Variants in SPECC1 observed in about 807,000 individuals in gnomAD.
The protein encoded by SPECC1 is sperm antigen with calponin homology and coiled-coil domains 1, also known as cytospin-B.
In SPECC1, 62 loss-of-function variants were observed where a neutral mutation model predicts 104.1. The observed-to-expected ratio is 0.60, with a 90% CI of 0.49 to 0.74. The LOEUF (loss-of-function observed/expected upper bound fraction) is 0.74. Among genes scored for constraint, SPECC1 ranks in the 30% least tolerant of loss-of-function variants. SPECC1 has a pLI of 0.00. For synonymous variants in SPECC1, 513 were observed against 501.6 expected (o/e 1.02, Z -0.30); for missense variants, 1,306 against 1,310.5 (o/e 1.00, Z 0.05).
At chr17:20,072,844 G>C (rs1214426466) in intron 1 of SPECC1, among the ~76,000 whole-genome samples, 1 of 152,182 alleles carries the variant, frequency 6.6e-6, no homozygotes, top group African/African-American at 2.4e-5. Context: ...CCCGCTGATA[G>C]AGTTCTTGGT....
chr17:20,290,123 T>A (rs1324929166), intron 12 of SPECC1: 1 of 152,156 alleles, frequency 6.6e-6, no homozygotes, highest in Non-Finnish European at 1.5e-5. Flanking sequence ...CAGTGCAGTC[T>A]GTCCTGAGGC....
chr17:20,229,685 AAAAAC>A (rs1188891228), intron 5 of SPECC1, among the ~76,000 whole-genome samples: 1 of 152,190 alleles, frequency 6.6e-6, no homozygotes, highest in African/African-American at 2.4e-5. Context: ...AAAAAAATAA[AAAAAC>A]CAAACCAAAC....
chr17:20,063,128 TC>T (rs2046248855), intron 1 of SPECC1, among the ~76,000 whole-genome samples: 1 of 152,248 alleles, frequency 6.6e-6, no homozygotes, highest in African/African-American at 2.4e-5. Flanking sequence ...TCTTATCTCT[TC>T]TTAAAATGTT....
chr17:20,042,173 A>G (rs182667105), intron 1 of SPECC1, among the ~76,000 whole-genome samples: 3 of 152,358 alleles, frequency 2.0e-5, no homozygotes, highest in African/African-American at 7.2e-5. Context: ...TGTTACTTCT[A>G]GATGGGGGTA....
Position 20,296,941 on chromosome 17 carries a change from A to G in SPECC1, c.2941-20A>G, listed in dbSNP as rs1282756414. 1 of 1,609,472 alleles carries G rather than the reference A, an allele frequency of 6.2e-7. No individual in the cohort carries two copies. The highest frequency in any genetic ancestry group is 2.2e-5 in the East Asian group (1 of 44,850). On this transcript the variant is annotated intron_variant, in intron 12 of 14. Coordinates refer to ENST00000395527, the MANE Select transcript of SPECC1 (RefSeq NM_001243439.2). ...CAGTTTGCAATAGTTCTTGTTTATT[A>G]CTACTTTTCTCTCCTGCAGAACATT...
chr17:20,258,951 AC>A (rs1368967889), intron 11 of SPECC1, among the ~76,000 whole-genome samples: 4 of 152,230 alleles, frequency 2.6e-5, no homozygotes, highest in Admixed American at 2.0e-4. Flanking sequence ...AGTTCAACTT[AC>A]ATTTTGGTAT....
chr17:20,313,836 CT>C, intron 14 of SPECC1, 139 bp from the exon 15 acceptor site: 1 of 703,272 alleles, frequency 1.4e-6, no homozygotes, highest in Non-Finnish European at 2.5e-6. Context: ...TCAGCACCAC[CT>C]GTGCTGGCCT....
intron 3 of SPECC1, among the ~76,000 whole-genome samples, chr17:20,161,061 A>AG (rs2033097830): frequency 6.6e-6 from 1 of 152,172 alleles, no homozygotes; most frequent in African/African-American, 2.4e-5. Context: ...AAATACAAAA[A>AG]TTAGTCGAGT....
intron 1 of SPECC1, among the ~76,000 whole-genome samples, chr17:20,079,721 G>GA (rs2046892877): frequency 6.6e-6 from 1 of 152,142 alleles, no homozygotes; most frequent in South Asian, 2.1e-4. Context: ...GAGCAAAAGA[G>GA]AACGTGCCAG....
At chr17:20,067,644 T>C (rs1446307940) in intron 1 of SPECC1, among the ~76,000 whole-genome samples, 1 of 152,072 alleles carries the variant, frequency 6.6e-6, no homozygotes, top group Non-Finnish European at 1.5e-5. Context: ...TTTATATAAA[T>C]GTTTACATAT....
intron 1 of SPECC1, among the ~76,000 whole-genome samples, chr17:20,048,954 A>G (rs893178489): frequency 6.6e-6 from 1 of 152,172 alleles, no homozygotes; most frequent in Non-Finnish European, 1.5e-5. Context: ...GAAAAATAAT[A>G]TATTACAGTA....
chr17:20,170,301 A>G (rs921866606), intron 3 of SPECC1, among the ~76,000 whole-genome samples: 10 of 152,248 alleles, frequency 6.6e-5, no homozygotes, highest in Non-Finnish European at 1.3e-4. Flanking sequence ...TATGGTTTTA[A>G]TGAATTGATG....
chr17:20,271,498 AC>A, intron 12 of SPECC1, among the ~76,000 whole-genome samples: 1 of 152,206 alleles, frequency 6.6e-6, no homozygotes, highest in South Asian at 2.1e-4. Flanking sequence ...TACTTGCCTT[AC>A]ACTTAAAATC....
intron 3 of SPECC1, among the ~76,000 whole-genome samples, chr17:20,169,948 A>C (rs1180484340): frequency 6.6e-6 from 1 of 152,262 alleles, no homozygotes; most frequent in African/African-American, 2.4e-5. Context: ...AATCAGATCA[A>C]ACCAGCCTAT....
Position 20,009,730 on chromosome 17 carries a change from A to AG in SPECC1, c.-22+309dup, listed in dbSNP as rs2043867893. ...CCCCTCCGGGCCCGAGGGTTGTCGC[A>AG]GGGACCCGGGACTGAGAGCCAGGTG... On this transcript the variant is annotated intron_variant, in intron 1 of 14. Transcript: ENST00000395527. The surrounding 1 kb of genome is among the most constrained non-coding windows in gnomAD (Gnocchi z 5.2). 1 of 152,118 alleles carries AG rather than the reference A, an allele frequency of 6.6e-6. No homozygotes were observed. Among genetic ancestry groups the AG allele is most frequent in the African/African-American group, 2.4e-5 (1 of 41,400 alleles). The allele number at this position is 152,118 out of a possible 1,614,324, so 9.4% of individuals were successfully genotyped here.
At chr17:20,235,502 AAAC>A (rs1157828531) in intron 7 of SPECC1, among the ~76,000 whole-genome samples, 1 of 152,172 alleles carries the variant, frequency 6.6e-6, no homozygotes, top group Non-Finnish European at 1.5e-5. Context: ...GACCTGGCAA[AAAC>A]AGAAAAAACA....
intron 5 of SPECC1, among the ~76,000 whole-genome samples, chr17:20,229,003 C>T (rs1051731342): frequency 7.9e-5 from 12 of 152,096 alleles, no homozygotes; most frequent in East Asian, 1.9e-4. Flanking sequence ...CTTGATAAAA[C>T]GTATTTTAAC....
intron 13 of SPECC1, among the ~76,000 whole-genome samples, chr17:20,298,948 A>AGAGAGAGAGAGAGTGT: frequency 2.0e-5 from 1 of 49,076 alleles, no homozygotes; most frequent in African/African-American, 9.3e-5. Context: ...AGAGAGAGAG[A>AGAGAGAGAGAGAGTGT]GTGTGTGTGT....
At chr17:20,081,850 T>A (rs1382068209) in intron 1 of SPECC1, among the ~76,000 whole-genome samples, 3 of 152,078 alleles carry the variant, frequency 2.0e-5, no homozygotes. Flanking sequence ...CAACAAACCT[T>A]TGCTGCCCCC....
Sources: allele counts gnomAD v4.1 joint callset (sites outside exome capture counted in the v4.1 genomes callset), GRCh38; gene constraint gnomAD v4.1.1; non-coding constraint Gnocchi (gnomAD v3.1); transcripts MANE v1.5; gene names NCBI Gene and HGNC (gene_info 2026-07-23, HGNC 2026-07-21).